KRT15: variants seen among roughly 807,000 people sequenced by gnomAD.
KRT15 encodes keratin 15.
A neutral mutation model predicts 46.6 loss-of-function variants in KRT15; 45 were observed. The ratio of observed to expected loss-of-function variants is 0.97; its 90% CI spans 0.76 to 1.24. The LOEUF is 1.24. KRT15 is among the 50% of genes most tolerant of loss of function. The probability of loss-of-function intolerance (pLI) is 0.00; values close to 1 mark genes in which losing one functional copy is unlikely to be tolerated. For synonymous variants in KRT15, 221 were observed against 233.8 expected (o/e 0.95, Z 0.50); for missense variants, 592 against 588.9 (o/e 1.01, Z -0.05).
In KRT15 at chr17:41,515,665, C is replaced by T. The variant is rs79344504; in HGVS notation, c.1054G>A (p.Glu352Lys). The change falls in exon 6 of 8, where the codon GAG becomes AAG. Residue 352 changes from glutamate to lysine, a missense_variant. Coordinates refer to ENST00000254043, the MANE Select transcript of KRT15 (RefSeq NM_002275.4). ...MKAGLENSLAETECRYATQLQ... is the reference protein window; with the variant it reads ...MKAGLENSLAKTECRYATQLQ... ...TGCGTGGCATAGCGGCACTCTGTCTCGGCCAGTGAGTTCTCCAGCCCAGCT... is the reference window on the plus strand; with the variant it reads ...TGCGTGGCATAGCGGCACTCTGTCTTGGCCAGTGAGTTCTCCAGCCCAGCT... 1,861 of 1,614,080 alleles carry T rather than the reference C, an allele frequency of 1.2e-3. 21 individuals are homozygous for T. In the African/African-American group the frequency reaches 0.022, roughly 19 times the overall value.
In KRT15 at chr17:41,514,184, A is replaced by T; in HGVS notation, c.1274-64T>A. On this transcript the variant is annotated intron_variant, in intron 7 of 7. Coordinates refer to ENST00000254043, the MANE Select transcript of KRT15 (RefSeq NM_002275.4). ...TCCCCGCTCTGCCACGGTGGCCAGG[A>T]CCTTGGCGGGGCTCTGGGAAAACTA... The T allele has an allele frequency of 1.6e-5, 21 of 1,304,638 alleles. 1 individual carries two copies. The South Asian group carries it at 2.5e-4, about 15-fold the overall frequency. 80.8% of individuals were successfully genotyped at this position (1,304,638 alleles called of 1,614,324 possible).
rs1380125331 is a variant in KRT15 at position 41,514,113 on chromosome 17, T to G, written c.1281A>C (p.Ser427=). 6.2e-7 allele frequency: 1 copy of G among 1,613,504 alleles called. No individual in the cohort carries two copies. Among genetic ancestry groups the G allele is most frequent in the Non-Finnish European group, 8.5e-7 (1 of 1,179,398 alleles). ...AATTGCTGCTGCTACCACCACCTCC[T>G]GAAGAGGCTAGAGAGAGAAGGAGTA... ...MAGIAIREAS[S]GGGGSSSNFH... The change falls in exon 8 of 8, where the codon TCA becomes TCC. Residue 427 remains serine, a synonymous_variant. Coordinates refer to ENST00000254043, the MANE Select transcript of KRT15 (RefSeq NM_002275.4).
intron 3 of KRT15, 122 bp downstream of exon 3, chr17:41,516,686 C>G: frequency 8.5e-7 from 1 of 1,176,612 alleles, no homozygotes; most frequent in South Asian, 1.4e-5. Context: ...CTGACTTAAT[C>G]TCGTGAAAAT....
Position 41,518,571 on chromosome 17 carries a change from C to T in KRT15, c.257G>A (p.Gly86Asp), listed in dbSNP as rs773431824. 3 of 1,613,786 alleles carry T rather than the reference C, an allele frequency of 1.9e-6. No homozygotes were observed. Among genetic ancestry groups the T allele is most frequent in the Non-Finnish European group, 2.5e-6 (3 of 1,179,922 alleles). ...ACCAAAGCCACCACCAAAACCCCCA[C>T]CAACGCCCCCTCCAAAGCCTCCACC... ...VFGGGFGGGV[G>D]GGFGGGFGGG... The change falls in exon 1 of 8, where the codon GGT becomes GAT. Residue 86 changes from glycine (G) to aspartate (D), a missense_variant. Coordinates refer to ENST00000254043, the MANE Select transcript of KRT15 (RefSeq NM_002275.4).
In KRT15 at chr17:41,515,889, C is replaced by T. The variant is rs759069758; in HGVS notation, c.1022G>A (p.Ser341Asn). The change falls in exon 5 of 8, where the codon AGC becomes AAC. Residue 341 changes from serine to asparagine, a missense_variant. Ser to Asn is a conservative substitution (Grantham distance 46). Transcript: ENST00000254043. ...ELEIELQSQL[S>N]MKAGLENSLA... The stretch of plus-strand genomic sequence containing the variant: ...ATGGGGCGCGAGTGGCCGTACCATG[C>T]TGAGCTGGGACTGCAGCTCGATCTC... The T allele has an allele frequency of 3.7e-6, 6 of 1,613,950 alleles. No homozygotes were observed. The highest frequency in any genetic ancestry group is 1.3e-5 in the African/African-American group (1 of 74,922).
In KRT15 at chr17:41,515,961, G is replaced by T. The variant is rs1175470073; in HGVS notation, c.950C>A (p.Thr317Asn). Residue 317 changes from threonine to asparagine, a missense_variant, in exon 5 of 8, where the codon ACC becomes AAC. Physicochemically the swap from Thr to Asn is moderately conservative, Grantham distance 65 (BLOSUM62 0). Coordinates refer to ENST00000254043, the MANE Select transcript of KRT15 (RefSeq NM_002275.4). ...CAGGTCTGTGATCTCCGTCTTGCTG[G>T]TCTGGATCATTTCTGTGTTGGAGGC... ...EVASNTEMIQ[T>N]SKTEITDLRR... The T allele has an allele frequency of 6.2e-7, 1 of 1,614,138 alleles. No individual in the cohort carries two copies. The highest frequency in any genetic ancestry group is 1.1e-5 in the South Asian group (1 of 91,076).
rs764716000 is a variant in KRT15, at chr17:41,516,897, C to G, written c.649G>C (p.Asp217His). ...ADINGLRRVL[D>H]ELTLARTDLE... ...TCAGTCCTGGCCAGGGTCAGCTCATCCAGGACTCGGCGCAAGCCGTTGATG... is the reference window on the plus strand; with the variant it reads ...TCAGTCCTGGCCAGGGTCAGCTCATGCAGGACTCGGCGCAAGCCGTTGATG... The change falls in exon 3 of 8, where the codon GAT becomes CAT. Residue 217 changes from aspartate to histidine, a missense_variant. Transcript: ENST00000254043. The G allele has an allele frequency of 3.1e-6, 5 of 1,614,234 alleles. No homozygotes were observed. The South Asian group carries it at 5.5e-5, about 18-fold the overall frequency.
Position 41,513,969 on chromosome 17 carries a change from C to T in KRT15, c.*54G>A, listed in dbSNP as rs1905245528. On this transcript the variant is annotated 3_prime_UTR_variant, in exon 8 of 8. Transcript: ENST00000254043. Reference sequence around the variant, plus strand: ...TGCAGGCCCTCTGGCCAGTCCTCCACTTGGCCTGATGAGAGTGGGGAGTGG... The same window carrying T: ...TGCAGGCCCTCTGGCCAGTCCTCCATTTGGCCTGATGAGAGTGGGGAGTGG... 1 of 1,336,522 alleles carries T rather than the reference C, an allele frequency of 7.5e-7. No individual in the cohort carries two copies. The highest frequency in any genetic ancestry group is 1.1e-6 in the Non-Finnish European group (1 of 927,094). 82.8% of individuals were successfully genotyped at this position (1,336,522 alleles called of 1,614,324 possible). A position where few individuals can be genotyped will look rare whatever the true frequency, so the allele number is the denominator to read the frequency against.
At chr17:41,514,752 A>G in intron 6 of KRT15, 78 bp from the exon 7 acceptor site, 1 of 1,489,478 alleles carries the variant, frequency 6.7e-7, no homozygotes, top group East Asian at 2.3e-5. Flanking sequence ...GTAGATAGCT[A>G]TGCAGTGTTC....
rs1905251847 is a variant in KRT15, at chr17:41,514,135, AGTAGGCTTTAGAGTG to A, written c.1274-30_1274-16del. The A allele has an allele frequency of 6.2e-7, 1 of 1,605,640 alleles. No homozygotes were observed. The highest frequency in any genetic ancestry group is 1.7e-5 in the Admixed American group (1 of 59,992). ...TCCTGAAGAGGCTAGAGAGAGAAGG[AGTAGGCTTTAGAGTG>A]GGGGAACCTCCCCGCTCTGCCACGG... On this transcript the variant is annotated splice_polypyrimidine_tract_variant and intron_variant, in intron 7 of 7. Coordinates refer to ENST00000254043, the MANE Select transcript of KRT15 (RefSeq NM_002275.4).
At position 41,516,021 on chromosome 17, in the gene KRT15, T is replaced by G. The variant is rs767172959; in HGVS notation, c.901-11A>C. The G allele has an allele frequency of 6.2e-7, 1 of 1,614,150 alleles. No individual in the cohort carries two copies. Among genetic ancestry groups the G allele is most frequent in the Non-Finnish European group, 8.5e-7 (1 of 1,180,016 alleles). ...GTTCAGCTCCTCAGTCTGTAGGTCA[T>G]GCACAACAGAAGTGAGCCCCGGGGC... On this transcript the variant is annotated splice_polypyrimidine_tract_variant and intron_variant, in intron 4 of 7. Coordinates refer to ENST00000254043, the MANE Select transcript of KRT15 (RefSeq NM_002275.4).
Position 41,517,044 on chromosome 17 carries a change from T to C in KRT15, c.581+39A>G, listed in dbSNP as rs780458990. 4 of 1,613,918 alleles carry C rather than the reference T, an allele frequency of 2.5e-6. No homozygotes were observed. The South Asian group carries it at 4.4e-5, about 18-fold the overall frequency. ...AGAGCCAGGAGAAGGCCAAGTAAAG[T>C]GGGCAATGCAGGAAGAGGAGAGAGA... On this transcript the variant is annotated intron_variant, in intron 2 of 7. Coordinates refer to ENST00000254043, the MANE Select transcript of KRT15 (RefSeq NM_002275.4).
At chr17:41,516,381 A>G (rs563070757) in intron 3 of KRT15, 116 bp from the exon 4 acceptor site, 6 of 1,117,178 alleles carry the variant, frequency 5.4e-6, no homozygotes, top group African/African-American at 1.6e-5. Flanking sequence ...GCTGTTCCCC[A>G]TTGCACATGA....
intron 1 of KRT15, among the ~76,000 whole-genome samples, 175 bp downstream of exon 1, chr17:41,518,155 G>A (rs9303311): frequency 0.65 from 98,470 of 151,950 alleles, 32,271 homozygotes; most frequent in East Asian, 0.92. Context: ...GAGAAGATGT[G>A]CACTGGCCTC....
Position 41,518,325 on chromosome 17 carries a change from C to G in KRT15, c.498+5G>C, listed in dbSNP as rs781689485. 1 of 1,608,482 alleles carries G rather than the reference C, an allele frequency of 6.2e-7. No individual in the cohort carries two copies. The highest frequency in any genetic ancestry group is 1.7e-5 in the Admixed American group (1 of 59,882). On this transcript the variant is annotated splice_donor_5th_base_variant and intron_variant, in intron 1 of 7. Coordinates refer to ENST00000254043, the MANE Select transcript of KRT15 (RefSeq NM_002275.4). Reference sequence around the variant, plus strand: ...CTCCCCTCTCTTTGACATCCGAGGACTCACCTTGTCCCGGAGCTCTTCAAT... The same window carrying G: ...CTCCCCTCTCTTTGACATCCGAGGAGTCACCTTGTCCCGGAGCTCTTCAAT...
At chr17:41,515,387 G>A (rs1905300416) in intron 6 of KRT15, 85 bp downstream of exon 6, 2 of 1,196,972 alleles carry the variant, frequency 1.7e-6, no homozygotes, top group African/African-American at 1.5e-5. Flanking sequence ...GCTGCTTAGG[G>A]ACACCCTGCC....
intron 1 of KRT15, chr17:41,517,545 G>A (rs1905445936): frequency 3.6e-6 from 1 of 279,366 alleles, no homozygotes; most frequent in South Asian, 4.4e-5. Context: ...ACAACTCATG[G>A]TCACTGCCTC....
chr17:41,515,510 G>A lies in KRT15; in HGVS notation c.1209C>T (p.Ile403=), dbSNP rs142117852. Reference sequence around the variant, plus strand: ...CCTCGAGCAGGCTGCGGTAAGTAGCGATCTCCTGCTCCAGCCGTGTCTTTA... The same window carrying A: ...CCTCGAGCAGGCTGCGGTAAGTAGCAATCTCCTGCTCCAGCCGTGTCTTTA... ...LDIKTRLEQE[I]ATYRSLLEGQ... is the part of the protein sequence containing the mutation. Residue 403 remains isoleucine (I), a synonymous_variant, in exon 6 of 8, where the codon ATC becomes ATT. Coordinates refer to ENST00000254043, the MANE Select transcript of KRT15 (RefSeq NM_002275.4). 3.6e-4 allele frequency: 578 copies of A among 1,613,824 alleles called. 1 individual carries two copies. The highest frequency in any genetic ancestry group is 1.8e-3 in the African/African-American group (133 of 75,058).
chr17:41,514,920 G>A (rs1220924468), intron 6 of KRT15: 1 of 452,048 alleles, frequency 2.2e-6, no homozygotes, highest in Non-Finnish European at 4.0e-6. Context: ...AGGCTGGAGT[G>A]CAGTGGCACG....
Sources: allele counts gnomAD v4.1 joint callset (sites outside exome capture counted in the v4.1 genomes callset), GRCh38; gene constraint gnomAD v4.1.1; transcripts MANE v1.5; gene names NCBI Gene and HGNC (gene_info 2026-07-23, HGNC 2026-07-21).